The following SGCD variants were observed in gnomAD, a reference collection of about 807,000 sequenced individuals.
SGCD encodes delta-sarcoglycan.
In SGCD, 18 loss-of-function variants were observed where a neutral mutation model predicts 36.6. That is an observed-to-expected ratio of 0.49 (90% CI 0.34 to 0.73). The LOEUF is 0.73. Among genes scored for constraint, SGCD ranks in the 30% least tolerant of loss-of-function variants. SGCD has a pLI of 0.01. For synonymous variants in SGCD, 133 were observed against 130.6 expected (o/e 1.02, Z -0.12); for missense variants, 387 against 346.7 (o/e 1.12, Z -0.92).
chr5:156,579,273 G>T (rs1760133953), intron 4 of SGCD, among the ~76,000 whole-genome samples: 1 of 152,182 alleles, frequency 6.6e-6, no homozygotes, highest in African/African-American at 2.4e-5. Flanking sequence ...TGTGATCTGA[G>T]AGATAGTTTG....
rs983936784 is a variant in SGCD at position 156,387,019 on chromosome 5, G to A, written c.192+42342G>A. 3.3e-5 allele frequency among the ~76,000 whole-genome samples: 5 copies of A among 152,132 alleles called. No homozygotes were observed. In the East Asian group the frequency reaches 9.7e-4, roughly 29 times the overall value. On this transcript the variant is annotated intron_variant, in intron 3 of 8. Coordinates refer to ENST00000337851, the MANE Select transcript of SGCD (RefSeq NM_000337.6). ...CAGTCAGGAATGAACATTTCAGAATGCCTAATGGATTCTGAAATCGTACTG... is the reference window on the plus strand; with the variant it reads ...CAGTCAGGAATGAACATTTCAGAATACCTAATGGATTCTGAAATCGTACTG...
chr5:155,833,188 C>G, the SGCD span, among the ~76,000 whole-genome samples: 3 of 151,730 alleles, frequency 2.0e-5, no homozygotes, highest in African/African-American at 4.8e-5. Flanking sequence ...TGAGATCGCA[C>G]CAGTACACTC....
At chr5:156,285,372 C>G (rs970678657) in intron 3 of SGCD, among the ~76,000 whole-genome samples, 1 of 152,174 alleles carries the variant, frequency 6.6e-6, no homozygotes, top group African/African-American at 2.4e-5. Context: ...CCATGTGAAT[C>G]CTAAGCCAAA....
the SGCD span, among the ~76,000 whole-genome samples, chr5:155,858,798 T>A: frequency 6.6e-6 from 1 of 152,180 alleles, no homozygotes; most frequent in Non-Finnish European, 1.5e-5. Flanking sequence ...TGGGAGCTTC[T>A]TAGAATCTCT....
chr5:155,872,362 C>T (rs1408276799), intron 1 of SGCD, among the ~76,000 whole-genome samples: 5 of 151,116 alleles, frequency 3.3e-5, no homozygotes, highest in African/African-American at 1.2e-4. Flanking sequence ...CACACACACA[C>T]ACACACACAC....
At chr5:156,374,775 A>G (rs1770569839) in intron 3 of SGCD, among the ~76,000 whole-genome samples, 1 of 151,376 alleles carries the variant, frequency 6.6e-6, no homozygotes, top group Non-Finnish European at 1.5e-5. Flanking sequence ...CATTCTCCCA[A>G]AGCAACACTG....
chr5:156,505,999 T>C (rs1024884630), intron 3 of SGCD, among the ~76,000 whole-genome samples: 1 of 152,234 alleles, frequency 6.6e-6, no homozygotes, highest in Non-Finnish European at 1.5e-5. Context: ...CTGGGTATCA[T>C]GTTAACAGCA....
the SGCD span, among the ~76,000 whole-genome samples, chr5:155,816,876 A>C: frequency 1.3e-4 from 20 of 152,214 alleles, no homozygotes; most frequent in Admixed American, 1.0e-3. Flanking sequence ...ATCAATTTTA[A>C]TGATGTTTTG....
chr5:156,180,510 A>G (rs1763581221), intron 3 of SGCD, among the ~76,000 whole-genome samples: 1 of 152,236 alleles, frequency 6.6e-6, no homozygotes, highest in South Asian at 2.1e-4. Flanking sequence ...AAAAATCAAT[A>G]TATGCTCCAG....
intron 3 of SGCD, among the ~76,000 whole-genome samples, chr5:156,357,109 A>G (rs1312183609): frequency 5.3e-5 from 8 of 152,230 alleles, no homozygotes; most frequent in Admixed American, 6.5e-5. Flanking sequence ...TAGGAAAAGT[A>G]CAATCTGTGC....
intron 1 of SGCD, among the ~76,000 whole-genome samples, chr5:156,116,177 A>T (rs1761901264): frequency 6.6e-6 from 1 of 152,096 alleles, no homozygotes; most frequent in Non-Finnish European, 1.5e-5. Flanking sequence ...CCATTTTCAA[A>T]ATAATGATCT....
chr5:156,376,504 T>C (rs1770678166), intron 3 of SGCD, among the ~76,000 whole-genome samples: 1 of 152,220 alleles, frequency 6.6e-6, no homozygotes, highest in African/African-American at 2.4e-5. Context: ...TTTACAAGTT[T>C]AACTTTGATA....
chr5:156,763,161 G>GA lies in SGCD; in HGVS notation c.*3772dup, dbSNP rs397841758. ...GCAGGTCAGCATCATTGTGTAATGA[G>GA]AGTGAAGTAGGGGACCCTGTGGTTC... On this transcript the variant is annotated 3_prime_UTR_variant, in exon 9 of 9. Coordinates refer to ENST00000337851, the MANE Select transcript of SGCD (RefSeq NM_000337.6). 29,122 of 152,600 alleles carry GA rather than the reference G, an allele frequency of 0.19. 6,236 individuals are homozygous for GA. The highest frequency in any genetic ancestry group is 0.53 in the African/African-American group (21,947 of 41,420). 9.5% of individuals were successfully genotyped at this position (152,600 alleles called of 1,614,324 possible). A position where few individuals can be genotyped will look rare whatever the true frequency, so the allele number is the denominator to read the frequency against.
intron 3 of SGCD, among the ~76,000 whole-genome samples, chr5:156,139,987 T>G (rs928491846): frequency 5.9e-5 from 9 of 152,202 alleles, no homozygotes; most frequent in Non-Finnish European, 1.0e-4. Context: ...ACAGCATTCC[T>G]GCCCTCAGGA....
the SGCD span, among the ~76,000 whole-genome samples, chr5:155,849,841 T>A: frequency 6.6e-6 from 1 of 152,216 alleles, no homozygotes; most frequent in Admixed American, 6.5e-5. Flanking sequence ...GTACAAATGT[T>A]AGTGAAGGTA....
intron 6 of SGCD, among the ~76,000 whole-genome samples, chr5:156,642,494 G>T (rs994516821): frequency 1.9e-4 from 26 of 140,206 alleles, no homozygotes; most frequent in Non-Finnish European, 3.3e-4. Flanking sequence ...TTCCAAGACG[G>T]AGTCTTGTTC....
the SGCD span, among the ~76,000 whole-genome samples, chr5:155,752,436 C>T: frequency 6.6e-6 from 1 of 152,220 alleles, no homozygotes; most frequent in Admixed American, 6.5e-5. Context: ...GCCATACCAT[C>T]CTCTTTCCCT....
chr5:156,457,608 A>G (rs1015753763), intron 3 of SGCD, among the ~76,000 whole-genome samples: 3 of 152,160 alleles, frequency 2.0e-5, no homozygotes, highest in Non-Finnish European at 4.4e-5. Flanking sequence ...CTCCACTGTT[A>G]TTTCTGCCTT....
chr5:156,549,670 A>G (rs1758715071), intron 4 of SGCD, among the ~76,000 whole-genome samples: 1 of 152,240 alleles, frequency 6.6e-6, no homozygotes, highest in Admixed American at 6.5e-5. Context: ...TTCTTTGGTT[A>G]CATGATCCTC....
Sources: allele counts gnomAD v4.1 joint callset (sites outside exome capture counted in the v4.1 genomes callset), GRCh38; gene constraint gnomAD v4.1.1; transcripts MANE v1.5; gene names NCBI Gene and HGNC (gene_info 2026-07-23, HGNC 2026-07-21).